The following HNF1B variants were observed in gnomAD, a reference collection of about 807,000 sequenced individuals.
HNF1B encodes the protein hepatocyte nuclear factor 1-beta.
A neutral mutation model predicts 61.7 loss-of-function variants in HNF1B; 8 were observed. That is an observed-to-expected ratio of 0.13 (90% CI 0.08 to 0.23). The LOEUF is 0.23. HNF1B is among the 10% of genes least tolerant of loss of function. The pLI, the probability that HNF1B is intolerant of heterozygous loss-of-function variation, is 1.00. For missense variants in HNF1B, 562 were observed against 714.5 expected, an observed-to-expected ratio of 0.79 and a Z score of 2.43; for synonymous variants, 314 against 287.7, an observed-to-expected ratio of 1.09 and a Z score of -0.93.
chr17:37,714,224 G>A (rs143122959), intron 4 of HNF1B, among the ~76,000 whole-genome samples: 3 of 152,320 alleles, frequency 2.0e-5, no homozygotes, highest in East Asian at 3.9e-4. Flanking sequence ...CTGAAAACAC[G>A]TCAATTCCTC....
At chr17:37,706,985 G>A (rs2032771656) in intron 5 of HNF1B, among the ~76,000 whole-genome samples, 1 of 152,148 alleles carries the variant, frequency 6.6e-6, no homozygotes. Flanking sequence ...CTATTTCTAT[G>A]TCACTTGACT....
intron 7 of HNF1B, 151 bp downstream of exon 7, chr17:37,700,832 A>G: frequency 1.3e-6 from 1 of 747,486 alleles, no homozygotes. Context: ...CTCAAGAGTT[A>G]TGCTTGAGAA....
chr17:37,711,441 G>A (rs1412654686), intron 4 of HNF1B, among the ~76,000 whole-genome samples: 2 of 152,182 alleles, frequency 1.3e-5, no homozygotes, highest in East Asian at 1.9e-4. Flanking sequence ...GCAGGGGAAG[G>A]GTAGAACCAA....
chr17:37,690,003 G>GCA lies in HNF1B; in HGVS notation c.1654-2613_1654-2612dup, dbSNP rs5820231. Among the ~76,000 whole-genome samples the GCA allele has an allele frequency of 4.3e-3, 647 of 148,876 alleles. 2 individuals carry two copies. Among genetic ancestry groups the GCA allele is most frequent in the South Asian group, 0.014 (66 of 4,614 alleles). On this transcript the variant is annotated intron_variant, in intron 8 of 8. Transcript: ENST00000617811. The stretch of plus-strand genomic sequence containing the variant: ...ATAATAAACAAGTAAACAAATGCGT[G>GCA]CACACACACACACACACACACACAC...
At position 37,710,532 on chromosome 17, in the gene HNF1B, G is replaced by A. The variant is rs1568645428; in HGVS notation, c.1177C>T (p.His393Tyr). 1 of 1,614,206 alleles carries A rather than the reference G, an allele frequency of 6.2e-7. No homozygotes were observed. Among genetic ancestry groups the A allele is most frequent in the Non-Finnish European group, 8.5e-7 (1 of 1,180,044 alleles). The change falls in exon 5 of 9, where the codon CAC becomes TAC. Residue 393 changes from histidine (H) to tyrosine (Y), a missense_variant. Around this residue, in one of 6 missense-constraint regions of HNF1B, gnomAD observed 211 missense variants for 200.7 expected, o/e 1.05. Coordinates refer to ENST00000617811, the MANE Select transcript of HNF1B (RefSeq NM_000458.4). The stretch of plus-strand genomic sequence containing the variant: ...TTACCATCAGGTGAGAGGAGATTGT[G>A]GCCTGGGTCCAGGCTGGCTGGGGAG... ...QVSPASLDPG[H>Y]NLLSPDGKMI...
intron 4 of HNF1B, among the ~76,000 whole-genome samples, chr17:37,715,543 G>T (rs532258896): frequency 6.6e-6 from 1 of 152,184 alleles, no homozygotes; most frequent in Non-Finnish European, 1.5e-5. Flanking sequence ...CCACATAGGA[G>T]AATACTAACA....
intron 4 of HNF1B, among the ~76,000 whole-genome samples, chr17:37,726,683 C>G (rs1388070009): frequency 6.6e-6 from 1 of 152,104 alleles, no homozygotes; most frequent in Non-Finnish European, 1.5e-5. Context: ...GTTTTTCAAG[C>G]TCTAAGCCAC....
chr17:37,695,342 G>A (rs2032348598), intron 8 of HNF1B, among the ~76,000 whole-genome samples: 1 of 152,394 alleles, frequency 6.6e-6, no homozygotes, highest in Admixed American at 6.5e-5. Flanking sequence ...AGGTTTGGCA[G>A]CTTCCACCTA....
chr17:37,728,837 G>A (rs1308726655), intron 4 of HNF1B: 1 of 153,028 alleles, frequency 6.5e-6, no homozygotes, highest in Non-Finnish European at 1.5e-5. Context: ...ACAAGTCTTT[G>A]ACCCCAGCAT....
rs777884862 is a variant in HNF1B, at chr17:37,686,935, G to C, written c.*437C>G. 2.9e-6 allele frequency: 1 copy of C among 348,956 alleles called. No individual in the cohort carries two copies. The highest frequency in any genetic ancestry group is 5.4e-6 in the Non-Finnish European group (1 of 183,700). The allele number at this position is 348,956 out of a possible 1,614,324, so 21.6% of individuals were successfully genotyped here. On this transcript the variant is annotated 3_prime_UTR_variant, in exon 9 of 9. Coordinates refer to ENST00000617811, the MANE Select transcript of HNF1B (RefSeq NM_000458.4). ...AAGAAATCTCAAGATCATTTGGGAT[G>C]GGGGCAGGGGAGGGAGTCTGTGGAT...
At position 37,699,315 on chromosome 17, in the gene HNF1B, A is replaced by G; in HGVS notation, c.1535-121T>C. ...GGTAGATAAAAGGGCTGGTGGTTAT[A>G]GTGGGGATTTCTCATATTAGTTATC... On this transcript the variant is annotated intron_variant, in intron 7 of 8. Transcript: ENST00000617811. The G allele has an allele frequency of 3.8e-6, 3 of 794,950 alleles. No individual in the cohort carries two copies. In the East Asian group the frequency reaches 7.4e-5, roughly 19 times the overall value. The allele number at this position is 794,950 out of a possible 1,614,324, so 49.2% of individuals were successfully genotyped here. A position where few individuals can be genotyped will look rare whatever the true frequency, so the allele number is the denominator to read the frequency against.
At position 37,718,880 on chromosome 17, in the gene HNF1B, T is replaced by C. The variant is rs551544354; in HGVS notation, c.1046-8217A>G. Among the ~76,000 whole-genome samples the C allele has an allele frequency of 1.5e-3, 228 of 152,304 alleles. 1 individual carries two copies. The highest frequency in any genetic ancestry group is 4.8e-3 in the African/African-American group (198 of 41,562). On this transcript the variant is annotated intron_variant, in intron 4 of 8. Coordinates refer to ENST00000617811, the MANE Select transcript of HNF1B (RefSeq NM_000458.4). ...CCACATCACTTTCACCTTTAGACTG[T>C]TGAGTTGAGTGGTGGTGAAGTGACT... is the stretch of plus-strand genomic sequence containing the variant.
intron 4 of HNF1B, among the ~76,000 whole-genome samples, chr17:37,716,842 ATCTCTCTCTCTCTCTCTCTCTC>A (rs55634127): frequency 1.1e-4 from 15 of 131,202 alleles, no homozygotes; most frequent in African/African-American, 2.5e-4. Flanking sequence ...CACTTTAACA[ATCTCTCTCTCTCTCTCTCTCTC>A]TCTCTCTCTC....
intron 8 of HNF1B, 25 bp downstream of exon 8, chr17:37,699,051 C>G (rs1467453432): frequency 1.3e-6 from 2 of 1,547,340 alleles, no homozygotes; most frequent in East Asian, 2.2e-5. Flanking sequence ...CACACCCCAA[C>G]CCCCGCAAAT....
At position 37,720,785 on chromosome 17, in the gene HNF1B, T is replaced by C. The variant is rs376734853; in HGVS notation, c.1046-10122A>G. On this transcript the variant is annotated intron_variant, in intron 4 of 8. Coordinates refer to ENST00000617811, the MANE Select transcript of HNF1B (RefSeq NM_000458.4). The stretch of plus-strand genomic sequence containing the variant: ...CCACAATTCTGCCACTCAGAATACA[T>C]ACATACAGAGCAAGGTGTTCAGAGA... The C allele has an allele frequency of 1.1e-4, 112 of 985,262 alleles. 1 individual carries two copies. In the African/African-American group the frequency reaches 1.5e-3, roughly 13 times the overall value. The allele number at this position is 985,262 out of a possible 1,614,324, so 61.0% of individuals were successfully genotyped here. A position where few individuals can be genotyped will look rare whatever the true frequency, so the allele number is the denominator to read the frequency against.
chr17:37,688,834 G>A lies in HNF1B; in HGVS notation c.1654-1442C>T, dbSNP rs190564609. ...GGGTTCTTCGGCCCAAGCCCCTGCT[G>A]CTCCTCAGTACTCTTAAGAGTGGGG... On this transcript the variant is annotated intron_variant, in intron 8 of 8. Coordinates refer to ENST00000617811, the MANE Select transcript of HNF1B (RefSeq NM_000458.4). 2.0e-5 allele frequency among the ~76,000 whole-genome samples: 3 copies of A among 152,258 alleles called. No homozygotes were observed. In the East Asian group the frequency reaches 5.8e-4, roughly 30 times the overall value.
chr17:37,713,168 T>C (rs3110645), intron 4 of HNF1B, among the ~76,000 whole-genome samples: 18 of 152,010 alleles, frequency 1.2e-4, no homozygotes, highest in Non-Finnish European at 2.5e-4. Flanking sequence ...TGAGAGAGTG[T>C]TGATAACGCT....
chr17:37,691,290 T>C (rs2032194404), intron 8 of HNF1B, among the ~76,000 whole-genome samples: 1 of 152,160 alleles, frequency 6.6e-6, no homozygotes, highest in African/African-American at 2.4e-5. Flanking sequence ...TCTATGACCA[T>C]GAACTTATGT....
chr17:37,736,037 G>C (rs1354859473), intron 2 of HNF1B, among the ~76,000 whole-genome samples: 2 of 152,204 alleles, frequency 1.3e-5, no homozygotes, highest in Admixed American at 6.5e-5. Flanking sequence ...CAAAGCATTG[G>C]GGTTACAGGC....
Sources: allele counts gnomAD v4.1 joint callset (sites outside exome capture counted in the v4.1 genomes callset), GRCh38; gene constraint gnomAD v4.1.1; regional missense constraint gnomAD v4.1.1; transcripts MANE v1.5; gene names NCBI Gene and HGNC (gene_info 2026-07-23, HGNC 2026-07-21).